UPF3B: variants seen among roughly 807,000 people sequenced by gnomAD.
The protein encoded by UPF3B is regulator of nonsense transcripts 3B.
UPF3B carries 7 observed loss-of-function variants against 40.3 expected under a neutral mutation model. The ratio of observed to expected loss-of-function variants is 0.17; its 90% CI spans 0.10 to 0.33. UPF3B has a LOEUF of 0.33. Among genes scored for constraint, UPF3B ranks in the 10% least tolerant of loss-of-function variants. The pLI, the probability that UPF3B is intolerant of heterozygous loss-of-function variation, is 1.00. For synonymous variants in UPF3B, 117 were observed against 117.3 expected (o/e 1.00, Z 0.01); for missense variants, 229 against 358.9 (o/e 0.64, Z 2.93).
intron 3 of UPF3B, among the ~76,000 whole-genome samples, chrX:119,827,756 G>A (rs1036884883): frequency 9.1e-6 from 1 of 109,574 alleles, no homozygotes; most frequent in African/African-American, 3.3e-5. Context: ...TTTTTGAGAT[G>A]GAGTCTCACA....
intron 8 of UPF3B, among the ~76,000 whole-genome samples, chrX:119,838,971 C>T (rs915240085): frequency 9.0e-6 from 1 of 111,295 alleles, no homozygotes; most frequent in African/African-American, 3.3e-5. Context: ...GAGACAAGGT[C>T]TCATCATGTC....
chrX:119,827,110 GT>G (rs2147770705), intron 3 of UPF3B, among the ~76,000 whole-genome samples: 1 of 111,800 alleles, frequency 8.9e-6, no homozygotes. Flanking sequence ...AATTTTGAGA[GT>G]TTCCATGGAA....
chrX:119,848,436 C>T (rs2056261566), intron 3 of UPF3B, among the ~76,000 whole-genome samples: 1 of 110,706 alleles, frequency 9.0e-6, no homozygotes, highest in African/African-American at 3.3e-5. Context: ...CATACAGACA[C>T]AAGGTATAAT....
chrX:119,821,359 C>A (rs186677374), intron 4 of UPF3B, among the ~76,000 whole-genome samples: 1 of 112,808 alleles, frequency 8.9e-6, no homozygotes, highest in African/African-American at 3.2e-5. Flanking sequence ...AATGCAAGAA[C>A]GGCCTAATAC....
At chrX:119,846,145 C>G (rs1227218284) in intron 3 of UPF3B, among the ~76,000 whole-genome samples, 1 of 109,945 alleles carries the variant, frequency 9.1e-6, no homozygotes, top group Non-Finnish European at 1.9e-5. Flanking sequence ...ACCTGCCTGG[C>G]CAACATGGTG....
Position 119,834,523 on chromosome X carries a change from T to G in UPF3B, c.*355A>C. On this transcript the variant is annotated 3_prime_UTR_variant, in exon 11 of 11. Transcript: ENST00000276201. ...CAAATTCAGAAAATTCAATTCAGGA[T>G]GAACAACAGCTTTTGATTTTAGAAC... The G allele has an allele frequency of 1.1e-6, 1 of 891,693 alleles. No homozygotes were observed. Among genetic ancestry groups the G allele is most frequent in the Non-Finnish European group, 1.4e-6 (1 of 725,392 alleles). 73.5% of individuals were successfully genotyped at this position (891,693 alleles called of 1,213,427 possible). A position where few individuals can be genotyped will look rare whatever the true frequency, so the allele number is the denominator to read the frequency against.
At chrX:119,847,487 G>A (rs905458337) in intron 3 of UPF3B, among the ~76,000 whole-genome samples, 16 of 110,779 alleles carry the variant, frequency 1.4e-4, no homozygotes, top group African/African-American at 4.3e-4. Flanking sequence ...AACTACCGGC[G>A]GGGCACAGTG....
rs375299869 is a variant in UPF3B at position 119,834,232 on chromosome X, A to G, written c.*646T>C. 8 of 753,952 alleles carry G rather than the reference A, an allele frequency of 1.1e-5. No individual in the cohort carries two copies. The East Asian group carries it at 1.1e-3, about 99-fold the overall frequency. 62.1% of individuals were successfully genotyped at this position (753,952 alleles called of 1,213,427 possible). The stretch of plus-strand genomic sequence containing the variant: ...TCTTAATAGAAAAGATGCTGATGAC[A>G]AAACACGAAGTTTAAAAATATTCTT... On this transcript the variant is annotated 3_prime_UTR_variant, in exon 11 of 11. Coordinates refer to ENST00000276201, the MANE Select transcript of UPF3B (RefSeq NM_080632.3).
At chrX:119,813,873 T>G (rs2360246) in intron 5 of UPF3B, among the ~76,000 whole-genome samples, 33,054 of 110,047 alleles carry the variant, frequency 0.3, 4,848 homozygotes, top group Non-Finnish European at 0.45. Flanking sequence ...CAAACTTCTT[T>G]TCTTATCAAT....
chrX:119,848,485 T>A lies in UPF3B; in HGVS notation c.370+3010A>T, dbSNP rs769421666. 1.1e-4 allele frequency among the ~76,000 whole-genome samples: 11 copies of A among 100,643 alleles called. No individual in the cohort carries two copies. In the South Asian group the frequency reaches 4.8e-3, roughly 44 times the overall value. 87.4% of individuals were successfully genotyped at this position (100,643 alleles called of 115,157 possible). On this transcript the variant is annotated intron_variant, in intron 3 of 10. Transcript: ENST00000276201. ...GGCTGGAGGAAGGGAAATAAGGAGT[T>A]GTTTAATGGGTAAAGAGTTTCAGTT... is the stretch of plus-strand genomic sequence containing the variant.
chrX:119,815,251 C>T (rs1441610853), exon 5 of UPF3B: 28 of 795,333 alleles, frequency 3.5e-5, no homozygotes, highest in South Asian at 5.4e-5. Context: ...CATCAGGGTG[C>T]GAGAGTCGAC....
chrX:119,836,840 T>G (rs774260702), intron 10 of UPF3B, among the ~76,000 whole-genome samples: 1 of 106,483 alleles, frequency 9.4e-6, no homozygotes, highest in South Asian at 4.2e-4. Context: ...TTAGTAGAGA[T>G]GGGGTTTCAC....
intron 3 of UPF3B, among the ~76,000 whole-genome samples, chrX:119,848,415 G>A (rs1469139140): frequency 9.0e-6 from 1 of 110,588 alleles, no homozygotes; most frequent in Non-Finnish European, 1.9e-5. Flanking sequence ...GGTACCTACA[G>A]TAGTGAAACT....
At chrX:119,831,480 G>A (rs1280385235), downstream of UPF3B, among the ~76,000 whole-genome samples, 3 of 110,778 alleles carry the variant, frequency 2.7e-5, no homozygotes, top group Admixed American at 9.6e-5. Context: ...CCCGACACCC[G>A]ACAGATTTTT....
chrX:119,823,556 CTCTTTTTTTTTT>C (rs1461240519), intron 3 of UPF3B, among the ~76,000 whole-genome samples: 2 of 42,090 alleles, frequency 4.8e-5, no homozygotes, highest in African/African-American at 7.7e-4. Context: ...TCTTTTTTTC[CTCTTTTTTTTTT>C]TTTTTTTTTG....
At chrX:119,842,627 C>CAG (rs2056180169) in intron 5 of UPF3B, among the ~76,000 whole-genome samples, 3 of 107,615 alleles carry the variant, frequency 2.8e-5, no homozygotes, top group African/African-American at 1.0e-4. Context: ...CACACACACA[C>CAG]ACAGAGAGAG....
rs774457326 is a variant in UPF3B at position 119,816,034 on chromosome X, G to A, written c.495-727C>T. Reference sequence around the variant, plus strand: ...TGACCTCAAGTGATCCACCTGCCTCGGCCTCCCAAAGTGCTGGGATTACAG... The same window carrying A: ...TGACCTCAAGTGATCCACCTGCCTCAGCCTCCCAAAGTGCTGGGATTACAG... On this transcript the variant is annotated intron_variant, in intron 4 of 6. Coordinates refer to the UPF3B transcript ENST00000636792. Among the ~76,000 whole-genome samples, 11 of 111,257 alleles carry A rather than the reference G, an allele frequency of 9.9e-5. No individual in the cohort carries two copies. The East Asian group carries it at 1.4e-3, about 14-fold the overall frequency.
intron 3 of UPF3B, among the ~76,000 whole-genome samples, chrX:119,825,449 G>C (rs1426729462): frequency 2.7e-5 from 3 of 111,489 alleles, no homozygotes; most frequent in African/African-American, 6.5e-5. Context: ...CATATCAGAA[G>C]TCTTAAAAAG....
intron 3 of UPF3B, among the ~76,000 whole-genome samples, chrX:119,845,504 C>T (rs146409417): frequency 9.8e-5 from 11 of 112,018 alleles, no homozygotes; most frequent in Admixed American, 5.7e-4. Flanking sequence ...TGAAACAACA[C>T]GGCATGAAAG....
Sources: gnomAD v4.1 joint callset for allele counts (sites outside exome capture counted in the v4.1 genomes callset) on GRCh38, gnomAD v4.1.1 for gene constraint, MANE v1.5 for transcripts, NCBI Gene and HGNC (gene_info 2026-07-23, HGNC 2026-07-21) for gene names.